PCDHA1: variants seen among roughly 807,000 people sequenced by gnomAD.
PCDHA1 encodes protocadherin alpha-1.
A neutral mutation model predicts 61.3 loss-of-function variants in PCDHA1; 42 were observed. The ratio of observed to expected loss-of-function variants is 0.69; its 90% confidence interval spans 0.54 to 0.89. PCDHA1 has a LOEUF of 0.89. Among genes scored for constraint, PCDHA1 ranks in the 40% least tolerant of loss-of-function variants. The pLI is 0.00. For synonymous variants in PCDHA1, 610 were observed against 553.8 expected, an observed-to-expected ratio of 1.10 and a Z score of -1.43; for missense variants, 1,256 against 1,235.3, an observed-to-expected ratio of 1.02 and a Z score of -0.25.
intron 1 of PCDHA1, chr5:140,870,210 C>T (rs1430379869): frequency 6.2e-7 from 1 of 1,614,058 alleles, no homozygotes; most frequent in African/African-American, 1.3e-5. Context: ...CGGTCATTGC[C>T]CTGATCAGCG....
chr5:140,870,626 C>G lies in PCDHA1; in HGVS notation c.2394+81942C>G, dbSNP rs782773688. Reference sequence around the variant, plus strand: ...GACCGCGCGCTGTCGAGCTACGTGTCGGTGCACGCGGAGAGCGGCAAGGTG... The same window carrying G: ...GACCGCGCGCTGTCGAGCTACGTGTGGGTGCACGCGGAGAGCGGCAAGGTG... On this transcript the variant is annotated intron_variant, in intron 1 of 3. Coordinates refer to ENST00000504120, the MANE Select transcript of PCDHA1 (RefSeq NM_018900.4). 15 of 1,613,016 alleles carry G rather than the reference C, an allele frequency of 9.3e-6. No individual in the cohort carries two copies. The highest frequency in any genetic ancestry group is 1.1e-5 in the Non-Finnish European group (13 of 1,179,794).
intron 1 of PCDHA1, among the ~76,000 whole-genome samples, chr5:140,855,450 T>C (rs1304022224): frequency 6.7e-6 from 1 of 149,974 alleles, no homozygotes; most frequent in African/African-American, 2.4e-5. Context: ...TTCGGAGTTA[T>C]AAACACCTCA....
chr5:140,966,974 C>A, intron 1 of PCDHA1: 1 of 1,602,874 alleles, frequency 6.2e-7, no homozygotes, highest in Non-Finnish European at 8.5e-7. Context: ...GCTTGAGCTG[C>A]GGCGCTTGGG....
intron 1 of PCDHA1, chr5:140,876,117 C>G: frequency 6.2e-7 from 1 of 1,613,922 alleles, no homozygotes; most frequent in East Asian, 2.2e-5. Context: ...TGATGGTAAT[C>G]GATGGCGGTA....
chr5:140,801,446 T>C, intron 1 of PCDHA1: 2 of 1,613,918 alleles, frequency 1.2e-6, no homozygotes, highest in South Asian at 2.2e-5. Context: ...AGAATGGCAT[T>C]TTGTTTGTGA....
At chr5:140,841,979 C>A (rs1316425759) in intron 1 of PCDHA1, 1 of 1,613,850 alleles carries the variant, frequency 6.2e-7, no homozygotes, top group East Asian at 2.2e-5. Context: ...TGGGGGCAAA[C>A]CTGAGCTCAC....
chr5:140,883,475 AACT>A, intron 1 of PCDHA1: 1 of 1,614,106 alleles, frequency 6.2e-7, no homozygotes. Context: ...CACCTACAAG[AACT>A]ACTACTCATT....
At chr5:140,927,172 G>A (rs782548172) in intron 1 of PCDHA1, 7 of 1,614,034 alleles carry the variant, frequency 4.3e-6, no homozygotes, top group East Asian at 4.5e-5. Context: ...AGCTGCCTGC[G>A]TCTTGACCTA....
chr5:140,882,119 T>C, intron 1 of PCDHA1: 1 of 1,438,056 alleles, frequency 7.0e-7, no homozygotes, highest in South Asian at 1.4e-5. Context: ...AGCCGCCGTT[T>C]CTTTCTTCCT....
chr5:140,849,962 G>T, intron 1 of PCDHA1: 1 of 1,597,888 alleles, frequency 6.3e-7, no homozygotes, highest in Non-Finnish European at 8.6e-7. Flanking sequence ...AGAACGCCCT[G>T]GTGTCCTACT....
At chr5:140,848,525 G>A (rs1243766523) in intron 1 of PCDHA1, 1 of 1,594,042 alleles carries the variant, frequency 6.3e-7, no homozygotes, top group Non-Finnish European at 8.6e-7. Context: ...GAGATCCAGA[G>A]GGTCAGCCTC....
intron 1 of PCDHA1, among the ~76,000 whole-genome samples, chr5:140,826,214 C>T (rs186119066): frequency 6.6e-6 from 1 of 152,250 alleles, no homozygotes; most frequent in African/African-American, 2.4e-5. Flanking sequence ...TTTAAAAAAT[C>T]AAGTTTTGTG....
At chr5:140,821,693 AT>A (rs1199376177) in intron 1 of PCDHA1, 3 of 1,399,368 alleles carry the variant, frequency 2.1e-6, no homozygotes, top group Admixed American at 4.5e-5. Flanking sequence ...AATATAAAAA[AT>A]ATATAGTTAA....
chr5:140,902,127 C>G (rs2069118126), intron 1 of PCDHA1, among the ~76,000 whole-genome samples: 1 of 150,418 alleles, frequency 6.6e-6, no homozygotes, highest in African/African-American at 2.4e-5. Context: ...GAGATTATAT[C>G]ATCTGCAAAC....
intron 1 of PCDHA1, chr5:140,842,438 A>G (rs1777945140): frequency 6.2e-7 from 1 of 1,613,768 alleles, no homozygotes; most frequent in Non-Finnish European, 8.5e-7. Flanking sequence ...CGCCCTAATT[A>G]GCGTGAACGA....
intron 1 of PCDHA1, chr5:140,882,600 A>G: frequency 6.2e-7 from 1 of 1,614,252 alleles, no homozygotes; most frequent in East Asian, 2.2e-5. Context: ...GTGATCGTGG[A>G]CAGGCCTCTG....
chr5:140,941,403 G>A lies in PCDHA1; in HGVS notation c.2395-37546G>A, dbSNP rs527986544. Among the ~76,000 whole-genome samples, 769 of 142,382 alleles carry A rather than the reference G, an allele frequency of 5.4e-3. 3 individuals carry two copies. The highest frequency in any genetic ancestry group is 0.019 in the African/African-American group (737 of 38,338). The allele number at this position is 142,382 out of a possible 152,430, so 93.4% of individuals were successfully genotyped here. On this transcript the variant is annotated intron_variant, in intron 1 of 3. Coordinates refer to ENST00000504120, the MANE Select transcript of PCDHA1 (RefSeq NM_018900.4). ...AGGATTTTGGCTCACTGCAACCTCC[G>A]CCTCCCGGGTTCAAGCAATTCTCTG...
intron 1 of PCDHA1, among the ~76,000 whole-genome samples, chr5:140,959,741 C>T (rs1415934970): frequency 6.6e-6 from 1 of 152,068 alleles, no homozygotes; most frequent in Admixed American, 6.6e-5. Flanking sequence ...CATCAAAATG[C>T]CTTAAAGTAT....
intron 2 of PCDHA1, among the ~76,000 whole-genome samples, chr5:140,980,472 A>G (rs782408123): frequency 6.6e-6 from 1 of 152,210 alleles, no homozygotes; most frequent in Non-Finnish European, 1.5e-5. Context: ...TCTACTAAAA[A>G]TACAAAAATT....
Sources: allele counts gnomAD v4.1 joint callset (sites outside exome capture counted in the v4.1 genomes callset), GRCh38; gene constraint gnomAD v4.1.1; transcripts MANE v1.5; gene names NCBI Gene and HGNC (gene_info 2026-07-23, HGNC 2026-07-21).